The following EPHA6 variants were observed in gnomAD, a reference collection of about 807,000 sequenced individuals.
The protein encoded by EPHA6 is ephrin type-A receptor 6.
A neutral mutation model predicts 112.0 loss-of-function variants in EPHA6; 50 were observed. The observed-to-expected ratio is 0.45, with a 90% CI of 0.36 to 0.56. EPHA6 has a LOEUF of 0.56. EPHA6 is among the 20% of genes least tolerant of loss of function. EPHA6 has a pLI of 0.00. For synonymous variants in EPHA6, 529 were observed against 490.7 expected, an observed-to-expected ratio of 1.08 and a Z score of -1.03; for missense variants, 1,280 against 1,417.4, an observed-to-expected ratio of 0.90 and a Z score of 1.56.
intron 3 of EPHA6, among the ~76,000 whole-genome samples, chr3:97,187,347 G>A (rs1468992811): frequency 1.3e-5 from 2 of 151,962 alleles, no homozygotes; most frequent in Non-Finnish European, 2.9e-5. Flanking sequence ...GGAGGCTGAG[G>A]TCACTTGACA....
Position 97,355,600 on chromosome 3 carries a change from G to A in EPHA6, c.1607-49550G>A, listed in dbSNP as rs928773943. Among the ~76,000 whole-genome samples the A allele has an allele frequency of 2.0e-5, 3 of 152,122 alleles. No homozygotes were observed. The East Asian group carries it at 5.8e-4, about 29-fold the overall frequency. ...ATCACCTTCACAAAAAGGAAGATAG[G>A]AAGGAAAGGAAAAGGGAAGAAAAGA... On this transcript the variant is annotated intron_variant, in intron 5 of 17. Coordinates refer to ENST00000389672, the MANE Select transcript of EPHA6 (RefSeq NM_001080448.3).
chr3:96,830,186 G>A (rs1348746357), intron 1 of EPHA6, among the ~76,000 whole-genome samples: 5 of 152,022 alleles, frequency 3.3e-5, no homozygotes, highest in Middle Eastern at 3.2e-3. Context: ...GCTTGAGACT[G>A]TAGTTATTAG....
At chr3:97,032,014 A>T (rs1343754885) in intron 3 of EPHA6, among the ~76,000 whole-genome samples, 5 of 152,192 alleles carry the variant, frequency 3.3e-5, no homozygotes, top group African/African-American at 1.2e-4. Flanking sequence ...TTATTGTGGC[A>T]CTATTCACAA....
chr3:97,704,540 T>C lies in EPHA6; in HGVS notation c.2785-15721T>C, dbSNP rs190345492. Among the ~76,000 whole-genome samples the C allele has an allele frequency of 2.2e-3, 330 of 152,288 alleles. 2 individuals are homozygous for C. The highest frequency in any genetic ancestry group is 7.7e-3 in the African/African-American group (319 of 41,560). On this transcript the variant is annotated intron_variant, in intron 14 of 17. Transcript: ENST00000389672. ...GGACTTCTAGGCCTCCATAATTATGTGAGCCATTTCTCATAATAAATATCC... is the reference window on the plus strand; with the variant it reads ...GGACTTCTAGGCCTCCATAATTATGCGAGCCATTTCTCATAATAAATATCC...
At position 97,440,606 on chromosome 3, in the gene EPHA6, T is replaced by C. The variant is rs138584794; in HGVS notation, c.1732-7962T>C. On this transcript the variant is annotated intron_variant, in intron 6 of 17. Coordinates refer to ENST00000389672, the MANE Select transcript of EPHA6 (RefSeq NM_001080448.3). ...TTATTTTAAAAATTTTAATTTTATA[T>C]TAAATAATATATTAAAGCATAATAG... Among the ~76,000 whole-genome samples, 148 of 151,010 alleles carry C rather than the reference T, an allele frequency of 9.8e-4. 2 individuals carry two copies. In the East Asian group the frequency reaches 0.027, roughly 28 times the overall value.
At chr3:97,331,926 A>C (rs1226578537) in intron 5 of EPHA6, among the ~76,000 whole-genome samples, 1 of 152,138 alleles carries the variant, frequency 6.6e-6, no homozygotes, top group Admixed American at 6.6e-5. Context: ...CATCATCCTG[A>C]TACCAAAGCC....
chr3:97,441,694 A>G (rs1208664127), intron 6 of EPHA6, among the ~76,000 whole-genome samples: 1 of 152,080 alleles, frequency 6.6e-6, no homozygotes, highest in Non-Finnish European at 1.5e-5. Context: ...TTTAGGTATT[A>G]TAAGGTTTCT....
chr3:97,283,919 T>G (rs572296746), intron 5 of EPHA6, among the ~76,000 whole-genome samples: 1 of 152,296 alleles, frequency 6.6e-6, no homozygotes, highest in African/African-American at 2.4e-5. Flanking sequence ...CAATTTTATT[T>G]ATCTCTGAAG....
At chr3:96,981,152 G>T (rs1243049299) in intron 2 of EPHA6, among the ~76,000 whole-genome samples, 3 of 152,022 alleles carry the variant, frequency 2.0e-5, no homozygotes, top group Non-Finnish European at 4.4e-5. Flanking sequence ...AATGCTTCCA[G>T]TTTTGCCCAT....
intron 3 of EPHA6, among the ~76,000 whole-genome samples, chr3:97,051,524 A>G (rs1298792411): frequency 6.6e-6 from 1 of 152,144 alleles, no homozygotes; most frequent in African/African-American, 2.4e-5. Context: ...CCTACATAGA[A>G]TAACCTGGAA....
intron 3 of EPHA6, among the ~76,000 whole-genome samples, chr3:97,120,132 A>G (rs925663798): frequency 6.6e-6 from 1 of 152,006 alleles, no homozygotes; most frequent in Admixed American, 6.6e-5. Context: ...AGGTCAATGT[A>G]TCTCTTTGGC....
At chr3:97,148,264 G>A (rs2076090885) in intron 3 of EPHA6, among the ~76,000 whole-genome samples, 2 of 151,980 alleles carry the variant, frequency 1.3e-5, no homozygotes, top group African/African-American at 4.8e-5. Flanking sequence ...GAGGCCAGGA[G>A]TTCAAGACCA....
intron 5 of EPHA6, among the ~76,000 whole-genome samples, chr3:97,336,429 G>A (rs1236841916): frequency 1.3e-5 from 2 of 152,174 alleles, no homozygotes; most frequent in African/African-American, 2.4e-5. Context: ...CTGTCATTAT[G>A]TGGAGTGTTC....
At chr3:96,896,112 A>G (rs2038256636) in intron 2 of EPHA6, among the ~76,000 whole-genome samples, 1 of 152,176 alleles carries the variant, frequency 6.6e-6, no homozygotes, top group South Asian at 2.1e-4. Flanking sequence ...CAGTGACAGT[A>G]TATATACATT....
chr3:97,079,052 A>G (rs1250987258), intron 3 of EPHA6, among the ~76,000 whole-genome samples: 2 of 152,188 alleles, frequency 1.3e-5, no homozygotes, highest in Admixed American at 1.3e-4. Context: ...TTACAAAGAC[A>G]CATGCATGTA....
chr3:96,992,240 C>A (rs1311773481), intron 3 of EPHA6, among the ~76,000 whole-genome samples: 1 of 152,156 alleles, frequency 6.6e-6, no homozygotes, highest in African/African-American at 2.4e-5. Flanking sequence ...CTTTTAGTAT[C>A]CCCATTAACA....
intron 2 of EPHA6, among the ~76,000 whole-genome samples, chr3:96,903,948 C>T (rs1039107495): frequency 3.9e-5 from 6 of 152,218 alleles, no homozygotes; most frequent in African/African-American, 7.2e-5. Flanking sequence ...ATTAAAAAGT[C>T]AGGAAACAAC....
intron 5 of EPHA6, among the ~76,000 whole-genome samples, chr3:97,301,031 A>G (rs2081071160): frequency 1.3e-5 from 2 of 152,242 alleles, no homozygotes; most frequent in South Asian, 4.1e-4. Context: ...GAGTGAAACT[A>G]TCTGCCCAGC....
Position 97,014,353 on chromosome 3 carries a change from T to TCTCC in EPHA6, c.1114+26371_1114+26374dup, listed in dbSNP as rs577245498. ...CCTTCCCTCCCTTCCTCCCTACCTC[T>TCTCC]CTCCCTCCCTCCCTTCCTTCATTTC... On this transcript the variant is annotated intron_variant, in intron 3 of 17. Transcript: ENST00000389672. Among the ~76,000 whole-genome samples the TCTCC allele has an allele frequency of 7.2e-3, 1,072 of 149,206 alleles. 4 individuals are homozygous for TCTCC. Among genetic ancestry groups the TCTCC allele is most frequent in the Non-Finnish European group, 0.012 (821 of 67,194 alleles).
Sources: gnomAD v4.1 joint callset for allele counts (sites outside exome capture counted in the v4.1 genomes callset) on GRCh38, gnomAD v4.1.1 for gene constraint, MANE v1.5 for transcripts, NCBI Gene and HGNC (gene_info 2026-07-23, HGNC 2026-07-21) for gene names.